Variants in GRID2 observed in about 807,000 individuals in gnomAD.
GRID2 encodes glutamate receptor ionotropic, delta-2.
A neutral mutation model predicts 114.8 loss-of-function variants in GRID2; 33 were observed. The observed-to-expected ratio is 0.29, with a 90% CI of 0.22 to 0.38. The LOEUF (loss-of-function observed/expected upper bound fraction) is 0.38, where lower values mean the gene tolerates loss of function less well. Ranked by LOEUF, GRID2 falls within the 10% of genes least tolerant of loss-of-function variation. GRID2 has a pLI of 1.00. For missense variants in GRID2, 1,184 were observed against 1,257.7 expected (o/e 0.94, Z 0.89); for synonymous variants, 505 against 449.9 (o/e 1.12, Z -1.55).
At chr4:92,622,531 A>G (rs1730322587) in intron 2 of GRID2, among the ~76,000 whole-genome samples, 2 of 151,824 alleles carry the variant, frequency 1.3e-5, no homozygotes, top group Admixed American at 6.6e-5. Context: ...TTTTTGGAAT[A>G]ATACTATTTT....
chr4:93,613,329 A>G (rs1159817271), intron 13 of GRID2, among the ~76,000 whole-genome samples: 1 of 138,150 alleles, frequency 7.2e-6, no homozygotes, highest in African/African-American at 2.7e-5. Flanking sequence ...ATCATTCTCC[A>G]TCCAGCTTTG....
At chr4:92,415,467 C>G (rs954862525) in intron 1 of GRID2, among the ~76,000 whole-genome samples, 2 of 151,628 alleles carry the variant, frequency 1.3e-5, no homozygotes, top group Admixed American at 6.6e-5. Context: ...TCCTCACCCT[C>G]CTCCCACAGT....
chr4:92,533,446 CACATACATACAT>C lies in GRID2; in HGVS notation c.89-56657_89-56646del, dbSNP rs71579567. Among the ~76,000 whole-genome samples the C allele has an allele frequency of 1.3e-4, 20 of 150,004 alleles. 1 individual carries two copies. The Middle Eastern group carries it at 0.01, about 78-fold the overall frequency. ...AATCTTAATGCTCAAAGTACTAGGA[CACATACATACAT>C]ACATACATACATACATACATACATA... On this transcript the variant is annotated intron_variant, in intron 1 of 15. Coordinates refer to ENST00000282020, the MANE Select transcript of GRID2 (RefSeq NM_001510.4).
At chr4:92,469,240 G>A (rs1721902456) in intron 1 of GRID2, among the ~76,000 whole-genome samples, 1 of 151,978 alleles carries the variant, frequency 6.6e-6, no homozygotes, top group South Asian at 2.1e-4. Flanking sequence ...TTCTGTTGAA[G>A]ATTTGTTTTT....
At chr4:92,321,884 G>A (rs569691031) in intron 1 of GRID2, among the ~76,000 whole-genome samples, 50 of 152,216 alleles carry the variant, frequency 3.3e-4, no homozygotes, top group African/African-American at 1.1e-3. Flanking sequence ...TGGCTGTGAA[G>A]TCCTTGGATG....
chr4:93,336,803 A>G (rs928480446), intron 8 of GRID2, among the ~76,000 whole-genome samples: 1 of 152,156 alleles, frequency 6.6e-6, no homozygotes, highest in African/African-American at 2.4e-5. Flanking sequence ...TTTATATTAC[A>G]TTAACCCTTA....
intron 2 of GRID2, among the ~76,000 whole-genome samples, chr4:92,841,302 A>G (rs1742874128): frequency 2.6e-5 from 4 of 152,066 alleles, no homozygotes; most frequent in African/African-American, 9.7e-5. Context: ...TACCAAATAT[A>G]TATTTTTTCA....
intron 2 of GRID2, among the ~76,000 whole-genome samples, chr4:92,918,654 T>C (rs1401955117): frequency 6.6e-6 from 1 of 152,208 alleles, no homozygotes; most frequent in Non-Finnish European, 1.5e-5. Context: ...GGATTACATT[T>C]ACTGATTTGT....
chr4:92,471,898 A>G (rs1000931714), intron 1 of GRID2, among the ~76,000 whole-genome samples: 3 of 146,634 alleles, frequency 2.0e-5, no homozygotes, highest in African/African-American at 7.4e-5. Context: ...TTAACGGAGC[A>G]TACTTATTTG....
intron 14 of GRID2, among the ~76,000 whole-genome samples, chr4:93,760,398 G>T: frequency 6.6e-6 from 1 of 152,270 alleles, no homozygotes; most frequent in East Asian, 1.9e-4. Flanking sequence ...AGATCTGACC[G>T]ATTAAGTACT....
chr4:93,570,078 A>G (rs1409643408), intron 13 of GRID2, among the ~76,000 whole-genome samples: 1 of 152,004 alleles, frequency 6.6e-6, no homozygotes. Context: ...TAGTACCTTG[A>G]TCATAACAGA....
At chr4:92,408,713 C>T (rs1419220600) in intron 1 of GRID2, among the ~76,000 whole-genome samples, 1 of 151,532 alleles carries the variant, frequency 6.6e-6, no homozygotes, top group Admixed American at 6.6e-5. Flanking sequence ...AGATAAACTC[C>T]TAGGTATTTC....
chr4:93,128,061 A>AGT (rs1553992471), intron 4 of GRID2, among the ~76,000 whole-genome samples: 63 of 84,108 alleles, frequency 7.5e-4, no homozygotes, highest in Non-Finnish European at 1.2e-3. Context: ...AAAAAAAAAC[A>AGT]ACAGTACGTG....
chr4:93,666,836 T>C (rs1244082205), intron 14 of GRID2, among the ~76,000 whole-genome samples: 1 of 152,020 alleles, frequency 6.6e-6, no homozygotes, highest in African/African-American at 2.4e-5. Flanking sequence ...CACAACTACT[T>C]TAGAAAATGA....
rs1221111404 is a variant in GRID2, at chr4:92,903,275, T to C, written c.245-181720T>C. Among the ~76,000 whole-genome samples the C allele has an allele frequency of 2.6e-5, 4 of 151,738 alleles. No individual in the cohort carries two copies. In the East Asian group the frequency reaches 7.7e-4, roughly 29 times the overall value. ...CCCACAACATTTTAAATGAATAAAA[T>C]GAAGGCTGAAATAACAATGTGAACT... On this transcript the variant is annotated intron_variant, in intron 2 of 15. Transcript: ENST00000282020.
rs182487326 is a variant in GRID2 at position 93,008,101 on chromosome 4, A to G, written c.245-76894A>G. On this transcript the variant is annotated intron_variant, in intron 2 of 15. Coordinates refer to ENST00000282020, the MANE Select transcript of GRID2 (RefSeq NM_001510.4). ...TAGATGGCAGTCAATTTAAAGCTCA[A>G]TTAGTAGCCTAAATAACGGAAACAA... is the stretch of plus-strand genomic sequence containing the variant. 2.4e-4 allele frequency among the ~76,000 whole-genome samples: 36 copies of G among 152,096 alleles called. No individual in the cohort carries two copies. In the East Asian group the frequency reaches 5.8e-3, roughly 25 times the overall value.
At chr4:92,693,417 CTG>C (rs1734275076) in intron 2 of GRID2, among the ~76,000 whole-genome samples, 1 of 152,196 alleles carries the variant, frequency 6.6e-6, no homozygotes, top group Non-Finnish European at 1.5e-5. Context: ...AGTTTTGCAT[CTG>C]TTTTTCCAGT....
At chr4:93,202,996 T>C (rs987976038) in intron 4 of GRID2, among the ~76,000 whole-genome samples, 3 of 152,144 alleles carry the variant, frequency 2.0e-5, no homozygotes, top group Non-Finnish European at 4.4e-5. Flanking sequence ...TGTGTGTGTA[T>C]AATACACTAC....
In GRID2 at chr4:93,118,632, G is replaced by A. The variant is rs77441760; in HGVS notation, c.735+7679G>A. On this transcript the variant is annotated intron_variant, in intron 4 of 15. Coordinates refer to ENST00000282020, the MANE Select transcript of GRID2 (RefSeq NM_001510.4). ...TTGAAACTGGTCAAATAGGTTGTTA[G>A]CAGGTCAAAGGGGTGCAGAATTTTT... Among the ~76,000 whole-genome samples the A allele has an allele frequency of 3.7e-3, 566 of 152,282 alleles. 8 individuals are homozygous for A. Among genetic ancestry groups the A allele is most frequent in the African/African-American group, 0.013 (547 of 41,568 alleles).
Sources: gnomAD v4.1 joint callset for allele counts (sites outside exome capture counted in the v4.1 genomes callset) on GRCh38, gnomAD v4.1.1 for gene constraint, MANE v1.5 for transcripts, NCBI Gene and HGNC (gene_info 2026-07-23, HGNC 2026-07-21) for gene names.